The following ANKFN1 variants were observed in gnomAD, a reference collection of about 807,000 sequenced individuals.
The protein encoded by ANKFN1 is ankyrin repeat and fibronectin type III domain containing 1, also known as ankyrin repeat and fibronectin type-III domain-containing protein 1.
ANKFN1 carries 74 observed loss-of-function variants against 108.7 expected under a neutral mutation model. The observed-to-expected ratio is 0.68, with a 90% confidence interval of 0.56 to 0.83. The LOEUF (loss-of-function observed/expected upper bound fraction) is 0.83, where lower values mean the gene tolerates loss of function less well. ANKFN1 is among the 40% of genes least tolerant of loss of function. ANKFN1 has a pLI of 0.00. For synonymous variants in ANKFN1, 547 were observed against 516.2 expected (o/e 1.06, Z -0.81); for missense variants, 1,505 against 1,382.3 (o/e 1.09, Z -1.41).
intron 3 of ANKFN1, among the ~76,000 whole-genome samples, chr17:56,233,132 A>G (rs879767912): frequency 1.3e-4 from 20 of 152,120 alleles, no homozygotes; most frequent in Admixed American, 1.3e-3. Flanking sequence ...TAATATAAAA[A>G]TAATAATAGT....
chr17:56,240,080 A>G (rs1366270305), intron 3 of ANKFN1, among the ~76,000 whole-genome samples: 4 of 152,182 alleles, frequency 2.6e-5, no homozygotes, highest in Non-Finnish European at 5.9e-5. Flanking sequence ...TAATTTGAGT[A>G]CATCAATTTT....
intron 3 of ANKFN1, among the ~76,000 whole-genome samples, chr17:56,314,852 A>G (rs1009283479): frequency 6.6e-6 from 1 of 152,240 alleles, no homozygotes; most frequent in African/African-American, 2.4e-5. Context: ...AGATGTAGAC[A>G]AAAGAAGACA....
chr17:56,451,828 T>A (rs1048803547), intron 11 of ANKFN1, among the ~76,000 whole-genome samples: 1 of 152,212 alleles, frequency 6.6e-6, no homozygotes, highest in Non-Finnish European at 1.5e-5. Flanking sequence ...GTGTAATTGG[T>A]GACTGTACTG....
chr17:56,220,825 A>AG (rs1915807586), intron 2 of ANKFN1, among the ~76,000 whole-genome samples: 1 of 50,858 alleles, frequency 2.0e-5, no homozygotes, highest in Non-Finnish European at 3.1e-5. Context: ...GAAGGAAGGA[A>AG]GGAAGGGAGG....
intron 1 of ANKFN1, among the ~76,000 whole-genome samples, chr17:56,199,397 A>C (rs1332593047): frequency 6.6e-6 from 1 of 152,178 alleles, no homozygotes; most frequent in African/African-American, 2.4e-5. Context: ...TATTTTCTGA[A>C]AATAATGATT....
At chr17:56,313,550 T>C (rs1371616588) in intron 3 of ANKFN1, among the ~76,000 whole-genome samples, 2 of 152,146 alleles carry the variant, frequency 1.3e-5, no homozygotes, top group African/African-American at 4.8e-5. Context: ...TCTCAGTCCT[T>C]TTCTCTTGGT....
At chr17:56,462,761 T>A (rs1371050036) in intron 14 of ANKFN1, among the ~76,000 whole-genome samples, 1 of 152,200 alleles carries the variant, frequency 6.6e-6, no homozygotes, top group Non-Finnish European at 1.5e-5. Flanking sequence ...ATTACTCCAA[T>A]TTGGTCAAAA....
At chr17:56,464,707 G>T (rs775150380) in intron 14 of ANKFN1, among the ~76,000 whole-genome samples, 1 of 152,080 alleles carries the variant, frequency 6.6e-6, no homozygotes, top group African/African-American at 2.4e-5. Flanking sequence ...GAGCTTGAGG[G>T]TTTACAAAAT....
chr17:56,054,390 G>A (rs1014346477), intron 4 of ANKFN1, among the ~76,000 whole-genome samples: 12 of 152,132 alleles, frequency 7.9e-5, no homozygotes, highest in African/African-American at 2.4e-4. Flanking sequence ...GTCCTGGGTC[G>A]TAGAGCTAGT....
chr17:56,224,338 G>A (rs1011454472), intron 2 of ANKFN1, among the ~76,000 whole-genome samples: 7 of 152,126 alleles, frequency 4.6e-5, no homozygotes, highest in Non-Finnish European at 7.4e-5. Flanking sequence ...CATTAAGTAA[G>A]TAAAATTAAC....
intron 4 of ANKFN1, among the ~76,000 whole-genome samples, chr17:56,062,559 C>CTTTTTTT (rs3085080): frequency 5.9e-5 from 8 of 134,506 alleles, no homozygotes; most frequent in South Asian, 2.3e-4. Flanking sequence ...GTAATCTCTG[C>CTTTTTTT]TTTTTTTTTT....
intron 20 of ANKFN1, among the ~76,000 whole-genome samples, chr17:56,504,334 T>C (rs2051481082): frequency 6.6e-6 from 1 of 152,122 alleles, no homozygotes; most frequent in Admixed American, 6.5e-5. Flanking sequence ...TTTAAGTCAA[T>C]AGTCTTTCCT....
At chr17:56,478,090 G>A (rs991300571) in intron 16 of ANKFN1, among the ~76,000 whole-genome samples, 3 of 152,136 alleles carry the variant, frequency 2.0e-5, no homozygotes, top group Non-Finnish European at 2.9e-5. Flanking sequence ...GCCTCCCAAA[G>A]TGCTGGGATT....
Position 56,092,171 on chromosome 17 carries a change from G to A in ANKFN1, c.288+45846G>A, listed in dbSNP as rs552038041. On this transcript the variant is annotated intron_variant, in intron 4 of 12. Transcript: ENST00000635860. ...AATTAGAAATGGTCTGCACTATATA[G>A]AGACCCATCTGCCTAGAGGAACCAG... Among the ~76,000 whole-genome samples, 37 of 151,274 alleles carry A rather than the reference G, an allele frequency of 2.4e-4. No homozygotes were observed. The East Asian group carries it at 6.8e-3, about 28-fold the overall frequency.
At chr17:56,129,328 A>G (rs1907133676) in intron 4 of ANKFN1, among the ~76,000 whole-genome samples, 1 of 152,132 alleles carries the variant, frequency 6.6e-6, no homozygotes, top group African/African-American at 2.4e-5. Flanking sequence ...ACTTCTTTCA[A>G]AGTCAATGAT....
At chr17:56,367,655 A>T (rs530488776) in intron 6 of ANKFN1, among the ~76,000 whole-genome samples, 151 of 152,170 alleles carry the variant, frequency 9.9e-4, no homozygotes, top group Non-Finnish European at 7.8e-4. Context: ...GCTCAGAGGG[A>T]TAGCTGCTTG....
chr17:56,254,959 A>G (rs1181206886), intron 3 of ANKFN1, among the ~76,000 whole-genome samples: 1 of 152,202 alleles, frequency 6.6e-6, no homozygotes, highest in Admixed American at 6.5e-5. Flanking sequence ...CAGCCATCAG[A>G]CCAGTCTGGC....
chr17:56,280,930 T>C (rs1265899062), intron 3 of ANKFN1, among the ~76,000 whole-genome samples: 1 of 152,152 alleles, frequency 6.6e-6, no homozygotes, highest in Non-Finnish European at 1.5e-5. Flanking sequence ...TTCATAATAG[T>C]GAATAAGTCT....
chr17:56,450,042 T>TA (rs2049431176), intron 11 of ANKFN1, among the ~76,000 whole-genome samples: 1 of 152,182 alleles, frequency 6.6e-6, no homozygotes, highest in Non-Finnish European at 1.5e-5. Context: ...TTTGGAGAAT[T>TA]AAAGCCTACA....
Sources: gnomAD v4.1 joint callset for allele counts (sites outside exome capture counted in the v4.1 genomes callset) on GRCh38, gnomAD v4.1.1 for gene constraint, MANE v1.5 for transcripts, NCBI Gene and HGNC (gene_info 2026-07-23, HGNC 2026-07-21) for gene names.